IPO11: variants seen among roughly 807,000 people sequenced by gnomAD.
The protein encoded by IPO11 is importin-11.
A neutral mutation model predicts 143.2 loss-of-function variants in IPO11; 66 were observed. That is an observed-to-expected ratio of 0.46 (90% confidence interval 0.38 to 0.57). The LOEUF (loss-of-function observed/expected upper bound fraction) is 0.57, where lower values mean the gene tolerates loss of function less well. IPO11 is among the 20% of genes least tolerant of loss of function. IPO11 has a pLI of 0.00. For synonymous variants in IPO11, 385 were observed against 377.8 expected, an observed-to-expected ratio of 1.02 and a Z score of -0.22; for missense variants, 1,026 against 1,141.0, an observed-to-expected ratio of 0.90 and a Z score of 1.45.
intron 27 of IPO11, among the ~76,000 whole-genome samples, chr5:62,569,661 A>G (rs1254883292): frequency 6.6e-6 from 1 of 152,208 alleles, no homozygotes; most frequent in Non-Finnish European, 1.5e-5. Context: ...TGTAAAAGAA[A>G]CAGTCTTCAT....
chr5:62,427,671 A>G (rs910825098), intron 1 of IPO11, among the ~76,000 whole-genome samples: 1 of 152,214 alleles, frequency 6.6e-6, no homozygotes, highest in African/African-American at 2.4e-5. Context: ...CATACTCCTT[A>G]TGAGAATCTC....
intron 1 of IPO11, among the ~76,000 whole-genome samples, chr5:62,417,500 T>C (rs1443436206): frequency 1.3e-5 from 2 of 152,154 alleles, no homozygotes; most frequent in African/African-American, 4.8e-5. Context: ...CTTATACTTC[T>C]GGGACACCAT....
chr5:62,607,125 A>G (rs1018788913), intron 29 of IPO11, among the ~76,000 whole-genome samples: 1 of 152,194 alleles, frequency 6.6e-6, no homozygotes, highest in Non-Finnish European at 1.5e-5. Context: ...CTCTTAGAGC[A>G]CAGAGATATC....
chr5:62,517,433 G>A (rs1035502247), intron 20 of IPO11, among the ~76,000 whole-genome samples: 2 of 152,160 alleles, frequency 1.3e-5, no homozygotes, highest in Non-Finnish European at 2.9e-5. Flanking sequence ...ACGGAGTTTC[G>A]CTCTTGTTGC....
chr5:62,627,070 G>A (rs1021114828), intron 29 of IPO11, 84 bp from the exon 30 acceptor site: 10 of 1,231,506 alleles, frequency 8.1e-6, no homozygotes, highest in Admixed American at 2.1e-5. Context: ...CTGTAGAAGA[G>A]ATTACAAAGA....
chr5:62,440,021 T>G (rs965742112), intron 2 of IPO11, among the ~76,000 whole-genome samples: 2 of 152,222 alleles, frequency 1.3e-5, no homozygotes, highest in East Asian at 3.8e-4. Flanking sequence ...ACTTCCACAA[T>G]ATTCCCACAT....
chr5:62,524,177 T>C (rs1239583061), intron 20 of IPO11, among the ~76,000 whole-genome samples: 1 of 152,154 alleles, frequency 6.6e-6, no homozygotes, highest in Non-Finnish European at 1.5e-5. Flanking sequence ...AAGCTGCATA[T>C]CAGGGATTGG....
intron 20 of IPO11, 141 bp from the exon 21 acceptor site, chr5:62,526,001 A>G (rs1024512972): frequency 1.6e-4 from 103 of 629,228 alleles, no homozygotes; most frequent in Non-Finnish European, 2.7e-4. Flanking sequence ...TTGTTTTGCT[A>G]TTACTTGTAA....
chr5:62,528,341 G>A (rs1433907520), intron 21 of IPO11, among the ~76,000 whole-genome samples: 3 of 152,178 alleles, frequency 2.0e-5, no homozygotes, highest in Admixed American at 2.0e-4. Flanking sequence ...CACCGGAGTG[G>A]TAAGAACAGA....
intron 26 of IPO11, among the ~76,000 whole-genome samples, chr5:62,552,863 G>T (rs1358590564): frequency 6.6e-6 from 1 of 152,106 alleles, no homozygotes; most frequent in Non-Finnish European, 1.5e-5. Flanking sequence ...CATTTATGGA[G>T]TACATAGTGC....
At chr5:62,614,337 CAA>C (rs914974908) in intron 29 of IPO11, among the ~76,000 whole-genome samples, 2 of 152,196 alleles carry the variant, frequency 1.3e-5, no homozygotes, top group South Asian at 2.1e-4. Context: ...TACATACAGA[CAA>C]AGAGGAGGAA....
chr5:62,415,262 C>A (rs902600092), intron 1 of IPO11, among the ~76,000 whole-genome samples: 4 of 151,980 alleles, frequency 2.6e-5, no homozygotes, highest in African/African-American at 9.7e-5. Flanking sequence ...CTCCCGGGTT[C>A]AAGCGGTTCT....
chr5:62,532,045 A>G (rs894633357), intron 22 of IPO11, among the ~76,000 whole-genome samples: 6 of 152,080 alleles, frequency 3.9e-5, no homozygotes, highest in Non-Finnish European at 5.9e-5. Context: ...TTTATATTTG[A>G]CCTAAGATTA....
intron 16 of IPO11, among the ~76,000 whole-genome samples, chr5:62,503,102 G>A (rs1275737983): frequency 1.3e-5 from 2 of 152,120 alleles, no homozygotes; most frequent in African/African-American, 2.4e-5. Context: ...TGGGATTATA[G>A]GCATGAGCCA....
intron 5 of IPO11, among the ~76,000 whole-genome samples, chr5:62,465,490 G>C (rs1245928272): frequency 6.6e-6 from 1 of 152,044 alleles, no homozygotes; most frequent in Admixed American, 6.6e-5. Flanking sequence ...TTGCTTCTCT[G>C]CTATAATACT....
chr5:62,430,041 G>C (rs968749778), intron 1 of IPO11, among the ~76,000 whole-genome samples: 3 of 152,182 alleles, frequency 2.0e-5, no homozygotes, highest in African/African-American at 7.2e-5. Context: ...ATAGGCGTGA[G>C]CTGCTGCACC....
At chr5:62,575,392 G>A (rs1258506352) in intron 27 of IPO11, among the ~76,000 whole-genome samples, 1 of 152,136 alleles carries the variant, frequency 6.6e-6, no homozygotes, top group Non-Finnish European at 1.5e-5. Context: ...TTACTCCTCA[G>A]TACTTACAGT....
chr5:62,467,061 C>T, intron 5 of IPO11, 70 bp from the exon 6 acceptor site: 1 of 1,360,764 alleles, frequency 7.3e-7, no homozygotes, highest in South Asian at 1.4e-5. Context: ...AAATATATTA[C>T]TTTGTAGTTC....
intron 6 of IPO11, among the ~76,000 whole-genome samples, 172 bp downstream of exon 6, chr5:62,467,435 A>T (rs1745610039): frequency 6.9e-6 from 1 of 144,412 alleles, no homozygotes; most frequent in Non-Finnish European, 1.5e-5. Context: ...CTCTTCCTCT[A>T]CCCCTTCTGA....
Sources: allele counts gnomAD v4.1 joint callset (sites outside exome capture counted in the v4.1 genomes callset), GRCh38; gene constraint gnomAD v4.1.1; transcripts MANE v1.5; gene names NCBI Gene and HGNC (gene_info 2026-07-23, HGNC 2026-07-21).